Variants in IFT122 observed in about 807,000 individuals in gnomAD.
The protein encoded by IFT122 is intraflagellar transport 122.
In IFT122, 118 loss-of-function variants were observed where a neutral mutation model predicts 161.6. The ratio of observed to expected loss-of-function variants is 0.73; its 90% CI spans 0.63 to 0.85. IFT122 has a LOEUF of 0.85. Among genes scored for constraint, IFT122 ranks in the 40% least tolerant of loss-of-function variants. The probability of loss-of-function intolerance (pLI) is 0.00; values close to 1 mark genes in which losing one functional copy is unlikely to be tolerated. For missense variants in IFT122, 1,381 were observed against 1,579.6 expected (o/e 0.87, Z 2.13); for synonymous variants, 550 against 602.4 (o/e 0.91, Z 1.27).
At chr3:129,487,239 A>G (rs1024765665) in intron 15 of IFT122, among the ~76,000 whole-genome samples, 1 of 152,240 alleles carries the variant, frequency 6.6e-6, no homozygotes, top group African/African-American at 2.4e-5. Flanking sequence ...TTCCTTGTTA[A>G]AGATGTCATG....
At chr3:129,462,364 G>A (rs2076293088) in intron 5 of IFT122, among the ~76,000 whole-genome samples, 2 of 152,152 alleles carry the variant, frequency 1.3e-5, no homozygotes. Flanking sequence ...CTGTTCTAAG[G>A]ATTAGAAATG....
intron 16 of IFT122, among the ~76,000 whole-genome samples, chr3:129,491,070 G>T (rs2080023861): frequency 6.6e-6 from 1 of 152,194 alleles, no homozygotes; most frequent in Non-Finnish European, 1.5e-5. Flanking sequence ...AATTGTGGAG[G>T]GGGACAGGGG....
At chr3:129,480,066 T>C (rs1559918667) in intron 13 of IFT122, 144 bp downstream of exon 13, 2 of 1,089,662 alleles carry the variant, frequency 1.8e-6, no homozygotes, top group Non-Finnish European at 2.7e-6. Flanking sequence ...CAGCCTGAGT[T>C]CAGTTTTTTG....
Position 129,488,286 on chromosome 3 carries a change from G to A in IFT122, c.1881G>A (p.Arg627=). 1 of 1,614,176 alleles carries A rather than the reference G, an allele frequency of 6.2e-7. No homozygotes were observed. Among genetic ancestry groups the A allele is most frequent in the Non-Finnish European group, 8.5e-7 (1 of 1,180,036 alleles). The change falls in exon 16 of 30, where the codon AGG becomes AGA. Residue 627 remains arginine (R), a synonymous_variant. Transcript: ENST00000348417. ...CTCCCATGTACCAGTACCTGGATAGGAAACTGTTCAAGGAAGCCTACCAGA... is the reference window on the plus strand; with the variant it reads ...CTCCCATGTACCAGTACCTGGATAGAAAACTGTTCAAGGAAGCCTACCAGA... ...QSAPMYQYLD[R]KLFKEAYQIA...
At position 129,454,498 on chromosome 3, in the gene IFT122, C is replaced by G. The variant is rs147861735; in HGVS notation, c.193+2500C>G. Among the ~76,000 whole-genome samples, 491 of 142,160 alleles carry G rather than the reference C, an allele frequency of 3.5e-3. 5 individuals are homozygous for G. Among genetic ancestry groups the G allele is most frequent in the African/African-American group, 0.013 (476 of 35,920 alleles). 93.3% of individuals were successfully genotyped at this position (142,160 alleles called of 152,430 possible). On this transcript the variant is annotated intron_variant, in intron 3 of 29. Coordinates refer to ENST00000348417, the MANE Select transcript of IFT122 (RefSeq NM_052989.3). ...TTGCTTCATAGTCAGGTGTGCTGTACCATGGTAGTCATATTTGTGTGTGTG... is the reference window on the plus strand; with the variant it reads ...TTGCTTCATAGTCAGGTGTGCTGTAGCATGGTAGTCATATTTGTGTGTGTG...
chr3:129,513,739 T>C (rs1374005750), intron 24 of IFT122: 1 of 190,924 alleles, frequency 5.2e-6, no homozygotes, highest in South Asian at 1.0e-4. Flanking sequence ...GGGGCTGCAC[T>C]GCAGACGGCG....
At chr3:129,508,503 G>C (rs1360063155) in intron 23 of IFT122, among the ~76,000 whole-genome samples, 2 of 152,200 alleles carry the variant, frequency 1.3e-5, no homozygotes, top group Non-Finnish European at 2.9e-5. Flanking sequence ...TAGACAGAGA[G>C]GTCTCAGAGG....
chr3:129,501,454 C>T (rs527321794), intron 19 of IFT122, among the ~76,000 whole-genome samples: 2 of 152,306 alleles, frequency 1.3e-5, no homozygotes, highest in East Asian at 3.9e-4. Flanking sequence ...GATGGATGTC[C>T]TACCACCCCA....
chr3:129,486,932 T>A (rs1387679660), intron 15 of IFT122, among the ~76,000 whole-genome samples: 1 of 152,144 alleles, frequency 6.6e-6, no homozygotes, highest in Non-Finnish European at 1.5e-5. Context: ...GCATTTAATG[T>A]GCCAATGAGG....
chr3:129,489,666 C>T (rs1393172149), intron 16 of IFT122, among the ~76,000 whole-genome samples: 5 of 151,814 alleles, frequency 3.3e-5, no homozygotes, highest in South Asian at 2.1e-4. Flanking sequence ...GGTGAAACCC[C>T]GTCTCTACTA....
At chr3:129,514,598 T>C in intron 25 of IFT122, 44 bp downstream of exon 25, 1 of 1,607,534 alleles carries the variant, frequency 6.2e-7, no homozygotes, top group Non-Finnish European at 8.5e-7. Context: ...TCCTCTCCCT[T>C]GAGGCCATCT....
At position 129,481,771 on chromosome 3, in the gene IFT122, G is replaced by T. The variant is rs2108330570; in HGVS notation, c.1653+77G>T. On this transcript the variant is annotated intron_variant, in intron 14 of 29. Transcript: ENST00000348417. ...CTCTAGCTTCCCAGTCCCTGCAGGA[G>T]GCTCTCCTGCTCTGGCCCAGGCAGG... 3 of 1,513,538 alleles carry T rather than the reference G, an allele frequency of 2.0e-6. No individual in the cohort carries two copies. The East Asian group carries it at 6.8e-5, about 34-fold the overall frequency. 93.8% of individuals were successfully genotyped at this position (1,513,538 alleles called of 1,614,324 possible).
intron 23 of IFT122, among the ~76,000 whole-genome samples, chr3:129,509,364 C>G (rs1050389505): frequency 1.3e-5 from 2 of 152,178 alleles, no homozygotes; most frequent in African/African-American, 4.8e-5. Context: ...TGATTGCTCT[C>G]GGTTGTTGTC....
At chr3:129,502,514 A>C (rs2081688312) in intron 19 of IFT122, among the ~76,000 whole-genome samples, 197 bp from the exon 20 acceptor site, 1 of 152,164 alleles carries the variant, frequency 6.6e-6, no homozygotes, top group African/African-American at 2.4e-5. Context: ...GGCTGACAGG[A>C]TCCTGTAAAG....
At chr3:129,442,916 C>T (rs895677605) in intron 1 of IFT122, among the ~76,000 whole-genome samples, 5 of 152,206 alleles carry the variant, frequency 3.3e-5, no homozygotes, top group African/African-American at 9.6e-5. Context: ...TTCCCAAATG[C>T]TCCCTTATTC....
chr3:129,515,174 C>A, intron 25 of IFT122: 1 of 511,458 alleles, frequency 2.0e-6, no homozygotes, highest in East Asian at 3.6e-5. Context: ...GCACGGTGCC[C>A]GGAGCATGGT....
chr3:129,450,790 G>A lies in IFT122; in HGVS notation c.108+853G>A, dbSNP rs542794190. Among the ~76,000 whole-genome samples the A allele has an allele frequency of 3.5e-5, 5 of 143,790 alleles. No homozygotes were observed. The East Asian group carries it at 6.1e-4, about 17-fold the overall frequency. The allele number at this position is 143,790 out of a possible 152,430, so 94.3% of individuals were successfully genotyped here. On this transcript the variant is annotated intron_variant, in intron 2 of 29. Coordinates refer to ENST00000348417, the MANE Select transcript of IFT122 (RefSeq NM_052989.3). Reference sequence around the variant, plus strand: ...GGCTGGAGTGCAGTGACGCGATCTCGGCTTACTGCAAGCTCCACCTCCCGG... The same window carrying A: ...GGCTGGAGTGCAGTGACGCGATCTCAGCTTACTGCAAGCTCCACCTCCCGG...
intron 3 of IFT122, among the ~76,000 whole-genome samples, chr3:129,454,556 T>TGTGTGTGTGTGC (rs1023661478): frequency 6.7e-6 from 1 of 150,188 alleles, no homozygotes; most frequent in South Asian, 2.1e-4. Flanking sequence ...TGTGTGTGTG[T>TGTGTGTGTGTGC]GCATGTTTGA....
Position 129,504,353 on chromosome 3 carries a change from A to G in IFT122, c.2582A>G (p.Lys861Arg), listed in dbSNP as rs755075432. The G allele has an allele frequency of 1.9e-6, 3 of 1,614,144 alleles. No individual in the cohort carries two copies. The highest frequency in any genetic ancestry group is 1.7e-5 in the Admixed American group (1 of 60,026). Residue 861 changes from lysine to arginine, a missense_variant, in exon 21 of 30, where the codon AAG becomes AGG. By Grantham distance (26) the Lys-to-Arg change is conservative. Transcript: ENST00000348417. ...TTGGGTGAGAAGCATCCTGAGTTTA[A>G]GGATGACATCTACATGCCGTATGCT... ...FALGEKHPEF[K>R]DDIYMPYAQW...
Sources: allele counts gnomAD v4.1 joint callset (sites outside exome capture counted in the v4.1 genomes callset), GRCh38; gene constraint gnomAD v4.1.1; transcripts MANE v1.5; gene names NCBI Gene and HGNC (gene_info 2026-07-23, HGNC 2026-07-21).